The following SRSF11 variants were observed in gnomAD, a reference collection of about 807,000 sequenced individuals.
SRSF11 encodes the protein serine and arginine rich splicing factor 11, also known as serine/arginine-rich splicing factor 11.
A neutral mutation model predicts 56.0 loss-of-function variants in SRSF11; 9 were observed. That is an observed-to-expected ratio of 0.16 (90% CI 0.10 to 0.28). The LOEUF (loss-of-function observed/expected upper bound fraction) is 0.28. SRSF11 is among the 10% of genes least tolerant of loss of function. The pLI, the probability that SRSF11 is intolerant of heterozygous loss-of-function variation, is 1.00. For synonymous variants in SRSF11, 222 were observed against 215.3 expected (o/e 1.03, Z -0.27); for missense variants, 421 against 600.7 (o/e 0.70, Z 3.13).
upstream of SRSF11, among the ~76,000 whole-genome samples, chr1:70,221,218 A>G (rs541955087): frequency 2.6e-5 from 4 of 152,200 alleles, no homozygotes; most frequent in East Asian, 7.7e-4. Context: ...AGAGAGAAGA[A>G]AAAGAAGAAT....
chr1:70,220,216 A>G (rs1670399806), upstream of SRSF11, among the ~76,000 whole-genome samples: 1 of 152,212 alleles, frequency 6.6e-6, no homozygotes, highest in Non-Finnish European at 1.5e-5. Flanking sequence ...AACAGCTTGC[A>G]GAAGTCATAG....
Position 70,248,977 on chromosome 1 carries a change from TAGAAAAAAAGC to T in SRSF11, c.1023-974_1023-964del, listed in dbSNP as rs538190707. ...CAAGGGTCACAGAGGGCTGTGTAAG[TAGAAAAAAAGC>T]TTCATTTGGAAATTAGACAACTAAG... On this transcript the variant is annotated intron_variant, in intron 9 of 11. Transcript: ENST00000370949. 2.7e-4 allele frequency: 41 copies of T among 152,184 alleles called. No individual in the cohort carries two copies. In the East Asian group the frequency reaches 7.9e-3, roughly 29 times the overall value. 9.4% of individuals were successfully genotyped at this position (152,184 alleles called of 1,614,324 possible). A position where few individuals can be genotyped will look rare whatever the true frequency, so the allele number is the denominator to read the frequency against.
At chr1:70,221,933 G>C in intron 1 of SRSF11, 94 bp downstream of exon 1, 1 of 1,522,888 alleles carries the variant, frequency 6.6e-7, no homozygotes, top group Non-Finnish European at 8.8e-7. Context: ...CTGCTTCCCC[G>C]GGCCAGGCTG....
chr1:70,227,580 G>A (rs1226254121), intron 1 of SRSF11, among the ~76,000 whole-genome samples: 1 of 152,130 alleles, frequency 6.6e-6, no homozygotes, highest in South Asian at 2.1e-4. Flanking sequence ...AATAACTTTT[G>A]GTATGGGCTT....
chr1:70,250,720 T>C lies in SRSF11; in HGVS notation c.1370T>C (p.Val457Ala). The C allele has an allele frequency of 2.5e-6, 4 of 1,613,906 alleles. No individual in the cohort carries two copies. The highest frequency in any genetic ancestry group is 3.4e-6 in the Non-Finnish European group (4 of 1,179,946). Residue 457 changes from valine to alanine, a missense_variant, in exon 12 of 12, where the codon GTG (valine) becomes GCG (alanine). Transcript: ENST00000370949. ...TCCCCTAAAACAAAGGAATGTTCTG[T>C]GGAAAAGGGAACTGGTGATTCACTA... The part of the protein sequence containing the change: ...TGSPKTKECS[V>A]EKGTGDSLRE...
chr1:70,207,140 G>C (rs1042651474), intron 1 of SRSF11, among the ~76,000 whole-genome samples: 2 of 151,926 alleles, frequency 1.3e-5, no homozygotes, highest in Non-Finnish European at 2.9e-5. Flanking sequence ...GATCCGCCCA[G>C]TTCGGCCTCC....
At chr1:70,210,783 ATT>A (rs910373276) in intron 1 of SRSF11, among the ~76,000 whole-genome samples, 1 of 152,120 alleles carries the variant, frequency 6.6e-6, no homozygotes, top group Non-Finnish European at 1.5e-5. Flanking sequence ...TAGTCCCCAG[ATT>A]TAGGAAAAAT....
chr1:70,244,802 A>G lies in SRSF11; in HGVS notation c.919A>G (p.Thr307Ala). 4.3e-6 allele frequency: 7 copies of G among 1,614,152 alleles called. No individual in the cohort carries two copies. Among genetic ancestry groups the G allele is most frequent in the Non-Finnish European group, 5.1e-6 (6 of 1,180,006 alleles). The change falls in exon 8 of 12, where the codon ACA becomes GCA. Residue 307 changes from threonine (T) to alanine (A), a missense_variant. Physicochemically the swap from Thr to Ala is moderately conservative, Grantham distance 58. Around this residue, in one of 2 missense-constraint regions of SRSF11, gnomAD observed 253 missense variants for 305.8 expected, o/e 0.83. Coordinates refer to ENST00000370949, the MANE Select transcript of SRSF11 (RefSeq NM_001350605.2). ...AGAAAGAGGTAGAAGGTCAAGGAGC[A>G]CATCAAAAACAAGGTATAGCATTGG... ...SRERGRRSRS[T>A]SKTRDKKKED...
chr1:70,247,485 G>T (rs543734180), intron 9 of SRSF11, among the ~76,000 whole-genome samples: 1 of 152,152 alleles, frequency 6.6e-6, no homozygotes, highest in Non-Finnish European at 1.5e-5. Flanking sequence ...ATGTTTTGCT[G>T]CAGTGCTTGT....
chr1:70,251,668 A>C lies in SRSF11; in HGVS notation c.*863A>C, dbSNP rs1280755640. The C allele has an allele frequency of 6.6e-6, 1 of 152,544 alleles. No individual in the cohort carries two copies. The allele number at this position is 152,544 out of a possible 1,614,324, so 9.4% of individuals were successfully genotyped here. A position where few individuals can be genotyped will look rare whatever the true frequency, so the allele number is the denominator to read the frequency against. ...ATTTTGAATTTTCCACTCTTTCATT[A>C]ATTTGTTTTAAGCTCCGTGTTGGAA... On this transcript the variant is annotated 3_prime_UTR_variant, in exon 12 of 12. Transcript: ENST00000370949.
At chr1:70,236,725 G>A (rs796203623) in intron 5 of SRSF11, among the ~76,000 whole-genome samples, 9 of 148,714 alleles carry the variant, frequency 6.1e-5, no homozygotes, top group African/African-American at 2.2e-4. Context: ...TTTGGCCTCT[G>A]CCTCAGTTCC....
At chr1:70,236,122 C>T (rs1319059913) in intron 5 of SRSF11, among the ~76,000 whole-genome samples, 2 of 151,970 alleles carry the variant, frequency 1.3e-5, no homozygotes, top group African/African-American at 2.4e-5. Context: ...AGGACAGAAT[C>T]GTTGGACTTC....
At chr1:70,227,144 T>C (rs556982711) in intron 1 of SRSF11, among the ~76,000 whole-genome samples, 6 of 152,336 alleles carry the variant, frequency 3.9e-5, no homozygotes, top group African/African-American at 9.6e-5. Context: ...ATAAAAATTA[T>C]GGGGTTTTTT....
upstream of SRSF11, among the ~76,000 whole-genome samples, chr1:70,219,215 T>C (rs1048699232): frequency 4.1e-4 from 63 of 152,360 alleles, no homozygotes; most frequent in African/African-American, 1.5e-3. Context: ...AGATAAGGGT[T>C]ACTCAAGAGT....
rs923729248 is a variant in SRSF11 at position 70,209,740 on chromosome 1, C to CTTT, written c.-26+3997_-26+3999dup. On this transcript the variant is annotated intron_variant, in intron 1 of 12. Coordinates refer to the SRSF11 transcript ENST00000370950. ...AGCTGGGACTAAAAGCACCTCGCTT[C>CTTT]TTTTTTTTTTTTTTTTTTTTTTTTT... 5.8e-3 allele frequency among the ~76,000 whole-genome samples: 158 copies of CTTT among 27,478 alleles called. 47 individuals carry two copies. The highest frequency in any genetic ancestry group is 7.1e-3 in the Non-Finnish European group (101 of 14,184). The allele number at this position is 27,478 out of a possible 152,430, so 18.0% of individuals were successfully genotyped here.
At chr1:70,244,225 T>G (rs771103092) in intron 7 of SRSF11, among the ~76,000 whole-genome samples, 1 of 152,202 alleles carries the variant, frequency 6.6e-6, no homozygotes, top group Non-Finnish European at 1.5e-5. Flanking sequence ...CTTTATGGAC[T>G]TACGAGACCA....
chr1:70,250,994 C>CA lies in SRSF11; in HGVS notation c.*189_*190insA. ...GCTTTTAGAAAATGGTACGAGGTAA[C>CA]CAATTCTTGTCATGGTGAAATCTGA... On this transcript the variant is annotated 3_prime_UTR_variant, in exon 12 of 12. Coordinates refer to ENST00000370949, the MANE Select transcript of SRSF11 (RefSeq NM_001350605.2). The CA allele has an allele frequency of 1.9e-6, 1 of 538,976 alleles. No homozygotes were observed. Among genetic ancestry groups the CA allele is most frequent in the East Asian group, 3.0e-5 (1 of 33,372 alleles). The allele number at this position is 538,976 out of a possible 1,614,324, so 33.4% of individuals were successfully genotyped here.
At chr1:70,205,831 C>A in intron 1 of SRSF11, 1 of 294,458 alleles carries the variant, frequency 3.4e-6, no homozygotes, top group East Asian at 5.7e-5. Context: ...ATTGTTTGCA[C>A]TGTTACTGCG....
chr1:70,228,549 G>A lies in SRSF11; in HGVS notation c.331G>A (p.Ala111Thr), dbSNP rs375568012. 19 of 1,612,666 alleles carry A rather than the reference G, an allele frequency of 1.2e-5. No individual in the cohort carries two copies. The highest frequency in any genetic ancestry group is 1.6e-5 in the Non-Finnish European group (19 of 1,179,302). ...VDRALIVVPY[A>T]EGVIPDEAKA... ...CAGAGCTTTGATAGTCGTACCATATGCAGAAGGTTTGTGCTTTGTTTAACT... is the reference window on the plus strand; with the variant it reads ...CAGAGCTTTGATAGTCGTACCATATACAGAAGGTTTGTGCTTTGTTTAACT... The change falls in exon 2 of 12, where the codon GCA becomes ACA. Residue 111 changes from alanine (A) to threonine (T), a missense_variant. Ala to Thr is a moderately conservative substitution (Grantham distance 58). Around this residue, in one of 2 missense-constraint regions of SRSF11, gnomAD observed 168 missense variants for 294.9 expected, o/e 0.57. Coordinates refer to ENST00000370949, the MANE Select transcript of SRSF11 (RefSeq NM_001350605.2).
Sources: allele counts gnomAD v4.1 joint callset (sites outside exome capture counted in the v4.1 genomes callset), GRCh38; gene constraint gnomAD v4.1.1; regional missense constraint gnomAD v4.1.1; transcripts MANE v1.5; gene names NCBI Gene and HGNC (gene_info 2026-07-23, HGNC 2026-07-21).